Variants in ST13 observed in about 807,000 individuals in gnomAD.
ST13 encodes the protein ST13 Hsp70 interacting protein.
In ST13, 23 loss-of-function variants were observed where a neutral mutation model predicts 56.7. The observed-to-expected ratio is 0.41, with a 90% confidence interval of 0.29 to 0.57. The LOEUF is 0.57. Among genes scored for constraint, ST13 ranks in the 20% least tolerant of loss-of-function variants. The probability of loss-of-function intolerance (pLI) is 0.36; values close to 1 mark genes in which losing one functional copy is unlikely to be tolerated. For synonymous variants in ST13, 132 were observed against 142.4 expected, an observed-to-expected ratio of 0.93 and a Z score of 0.52; for missense variants, 369 against 459.9, an observed-to-expected ratio of 0.80 and a Z score of 1.81.
intron 9 of ST13, 83 bp downstream of exon 9, chr22:40,830,757 C>A (rs1602649642): frequency 1.3e-6 from 1 of 767,230 alleles, no homozygotes; most frequent in East Asian, 2.5e-5. Context: ...AATAAAAGAG[C>A]CAGGAATTAA....
rs537551226 is a variant in ST13 at position 40,829,359 on chromosome 22, T to G, written c.847+267A>C. Among the ~76,000 whole-genome samples the G allele has an allele frequency of 3.8e-4, 58 of 152,346 alleles. 1 individual carries two copies. Among genetic ancestry groups the G allele is most frequent in the Admixed American group, 2.1e-3 (32 of 15,304 alleles). ...GCCTTTTCCGTCTCTTCTATCTCTG[T>G]GTTAGTCCTGTCCTCTGGTATTCAA... On this transcript the variant is annotated intron_variant, in intron 10 of 11. Coordinates refer to ENST00000216218, the MANE Select transcript of ST13 (RefSeq NM_003932.5).
chr22:40,837,817 A>G (rs1195424533), intron 5 of ST13, among the ~76,000 whole-genome samples: 1 of 152,056 alleles, frequency 6.6e-6, no homozygotes, highest in South Asian at 2.1e-4. Context: ...CATCCAGCTA[A>G]TTTTTTGTGT....
intron 4 of ST13, 33 bp downstream of exon 4, chr22:40,844,806 A>G (rs779698853): frequency 3.2e-6 from 5 of 1,567,210 alleles, no homozygotes; most frequent in Non-Finnish European, 4.4e-6. Flanking sequence ...CACATTTCTT[A>G]GAACAAGCAG....
intron 5 of ST13, among the ~76,000 whole-genome samples, chr22:40,840,335 C>CT (rs34104893): frequency 0.075 from 10,533 of 140,378 alleles, 527 homozygotes; most frequent in East Asian, 0.21. Flanking sequence ...TCTACTACTA[C>CT]TTTTTTTTTT....
At chr22:40,837,230 A>G (rs1029493041) in intron 5 of ST13, among the ~76,000 whole-genome samples, 2 of 152,260 alleles carry the variant, frequency 1.3e-5, no homozygotes, top group Non-Finnish European at 2.9e-5. Flanking sequence ...AGTCTTATTA[A>G]TTACTACTAC....
At chr22:40,852,022 C>T (rs1424846785) in intron 1 of ST13, among the ~76,000 whole-genome samples, 1 of 152,200 alleles carries the variant, frequency 6.6e-6, no homozygotes. Context: ...GATTTACAGG[C>T]ATGAACCACT....
At chr22:40,856,331 G>C (rs748079724) in intron 1 of ST13, 100 bp downstream of exon 1, 1 of 1,042,144 alleles carries the variant, frequency 9.6e-7, no homozygotes, top group Non-Finnish European at 1.5e-6. Flanking sequence ...AGAAGGGGCA[G>C]CGACCCCGCC....
chr22:40,838,984 A>C (rs996074813), intron 5 of ST13, among the ~76,000 whole-genome samples: 4 of 152,126 alleles, frequency 2.6e-5, no homozygotes, highest in African/African-American at 9.7e-5. Flanking sequence ...AAAATACAGG[A>C]TCTTAGTCTG....
intron 4 of ST13, among the ~76,000 whole-genome samples, chr22:40,844,629 C>A (rs1404961259): frequency 6.6e-6 from 1 of 152,080 alleles, no homozygotes; most frequent in Non-Finnish European, 1.5e-5. Flanking sequence ...ACACCAGATG[C>A]AAACTTAAAA....
rs1423096514 is a variant in ST13 at position 40,856,416 on chromosome 22, A to C, written c.110+15T>G. 5.0e-6 allele frequency: 8 copies of C among 1,605,218 alleles called. No homozygotes were observed. The Admixed American group carries it at 6.7e-5, about 13-fold the overall frequency. On this transcript the variant is annotated intron_variant, in intron 1 of 11. Coordinates refer to ENST00000216218, the MANE Select transcript of ST13 (RefSeq NM_003932.5). Reference sequence around the variant, plus strand: ...GCTTCCCCCGCCCCCAACGGTCCTCAGGCCTGGGTCTCACCTCTCCACCCA... The same window carrying C: ...GCTTCCCCCGCCCCCAACGGTCCTCCGGCCTGGGTCTCACCTCTCCACCCA...
chr22:40,833,985 A>G (rs975028991), intron 7 of ST13, among the ~76,000 whole-genome samples: 1 of 152,176 alleles, frequency 6.6e-6, no homozygotes, highest in Admixed American at 6.5e-5. Flanking sequence ...TGGGATATAT[A>G]TTCTAAGAAT....
intron 5 of ST13, among the ~76,000 whole-genome samples, chr22:40,836,618 AAAC>A (rs1569000762): frequency 1.3e-5 from 2 of 152,320 alleles, no homozygotes; most frequent in East Asian, 3.9e-4. Flanking sequence ...TTTTAAAAGA[AAAC>A]AACAATATGC....
intron 10 of ST13, among the ~76,000 whole-genome samples, chr22:40,828,765 A>C (rs1283847839): frequency 6.6e-6 from 1 of 152,222 alleles, no homozygotes; most frequent in Non-Finnish European, 1.5e-5. Flanking sequence ...TTAATAACTA[A>C]CAATCAGAGA....
intron 11 of ST13, 73 bp downstream of exon 11, chr22:40,827,023 T>A: frequency 6.6e-7 from 1 of 1,518,600 alleles, no homozygotes; most frequent in Non-Finnish European, 9.0e-7. Context: ...GAGAGTAACC[T>A]TTGTCTCCAC....
chr22:40,856,537 C>T lies in ST13; in HGVS notation c.4G>A (p.Asp2Asn), dbSNP rs749341140. 8 of 1,612,068 alleles carry T rather than the reference C, an allele frequency of 5.0e-6. No individual in the cohort carries two copies. The highest frequency in any genetic ancestry group is 6.8e-6 in the Non-Finnish European group (8 of 1,179,610). The change falls in exon 1 of 12, where the codon GAC becomes AAC. Residue 2 changes from aspartate to asparagine, a missense_variant. Asp to Asn is a conservative substitution (Grantham distance 23). Around this residue, in one of 3 missense-constraint regions of ST13, gnomAD observed 169 missense variants for 175.6 expected, o/e 0.96. Coordinates refer to ENST00000216218, the MANE Select transcript of ST13 (RefSeq NM_003932.5). The part of the protein sequence containing the change: M[D>N]PRKVNELRAF... ...CGAAGCTCGTTCACTTTGCGGGGGT[C>T]CATGGTAGGGAGGTGGTGGGCGAAA...
intron 1 of ST13, among the ~76,000 whole-genome samples, chr22:40,854,210 C>T (rs1039879672): frequency 6.6e-6 from 1 of 152,166 alleles, no homozygotes; most frequent in Non-Finnish European, 1.5e-5. Context: ...ACATTCAGCC[C>T]CATCTGCCAC....
chr22:40,843,586 G>A (rs1601468871), intron 4 of ST13, among the ~76,000 whole-genome samples: 1 of 152,222 alleles, frequency 6.6e-6, no homozygotes, highest in African/African-American at 2.4e-5. Flanking sequence ...AAGAGAAAAA[G>A]CAATGCACTA....
chr22:40,844,761 T>A, intron 4 of ST13, 78 bp downstream of exon 4: 1 of 1,210,852 alleles, frequency 8.3e-7, no homozygotes. Context: ...CCTGGAAGAA[T>A]CGTGTCATAA....
Position 40,840,642 on chromosome 22 carries a change from A to T in ST13, c.366T>A (p.Ile122=). The T allele has an allele frequency of 1.9e-6, 3 of 1,610,114 alleles. No homozygotes were observed. The African/African-American group carries it at 4.0e-5, about 22-fold the overall frequency. ...DQANDKKVAA[I]EALNDGELQK... ...ATTACTCACCATCATTTAGGGCTTC[A>T]ATAGCAGCCACTTTTTTATCATTTG... Residue 122 remains isoleucine, a synonymous_variant, in exon 5 of 12, where the codon ATT becomes ATA. Coordinates refer to ENST00000216218, the MANE Select transcript of ST13 (RefSeq NM_003932.5).
Sources: allele counts gnomAD v4.1 joint callset (sites outside exome capture counted in the v4.1 genomes callset), GRCh38; gene constraint gnomAD v4.1.1; regional missense constraint gnomAD v4.1.1; transcripts MANE v1.5; gene names NCBI Gene and HGNC (gene_info 2026-07-23, HGNC 2026-07-21).